The following TADA2A variants were observed in gnomAD, a reference collection of about 807,000 sequenced individuals.
TADA2A encodes the protein transcriptional adapter 2-alpha.
Under a neutral mutation model 67.4 loss-of-function variants are expected in TADA2A, and 38 were observed. The ratio of observed to expected loss-of-function variants is 0.56; its 90% CI spans 0.44 to 0.74. The LOEUF (loss-of-function observed/expected upper bound fraction) is 0.74. Among genes scored for constraint, TADA2A ranks in the 30% least tolerant of loss-of-function variants. TADA2A has a pLI of 0.00. For synonymous variants in TADA2A, 192 were observed against 181.6 expected (o/e 1.06, Z -0.46); for missense variants, 454 against 547.0 (o/e 0.83, Z 1.70).
chr17:37,457,491 C>CTTTTT (rs71135729), intron 8 of TADA2A, among the ~76,000 whole-genome samples: 10 of 72,398 alleles, frequency 1.4e-4, no homozygotes, highest in Non-Finnish European at 2.2e-4. Context: ...AACATTAATT[C>CTTTTT]TTTTTTTTTT....
At chr17:37,420,179 G>T (rs2052188799) in intron 2 of TADA2A, among the ~76,000 whole-genome samples, 1 of 146,272 alleles carries the variant, frequency 6.8e-6, no homozygotes, top group African/African-American at 2.5e-5. Context: ...GCTCAGCGCA[G>T]TGGCTCACTC....
chr17:37,464,206 C>T (rs937958989), intron 10 of TADA2A, among the ~76,000 whole-genome samples: 7 of 152,134 alleles, frequency 4.6e-5, no homozygotes, highest in African/African-American at 1.7e-4. Context: ...TCTGGTGTCT[C>T]TGCATGATAT....
At chr17:37,441,581 A>G (rs1325267059) in intron 6 of TADA2A, among the ~76,000 whole-genome samples, 1 of 152,112 alleles carries the variant, frequency 6.6e-6, no homozygotes. Flanking sequence ...GTAATGAGAT[A>G]TGAATGTTTT....
chr17:37,450,143 A>G (rs575731533), intron 8 of TADA2A, among the ~76,000 whole-genome samples: 1 of 152,200 alleles, frequency 6.6e-6, no homozygotes, highest in Non-Finnish European at 1.5e-5. Context: ...GCTGCATTCA[A>G]AGCCGTCCTG....
chr17:37,459,580 A>G lies in TADA2A; in HGVS notation c.668+993A>G, dbSNP rs1049827904. On this transcript the variant is annotated intron_variant, in intron 9 of 15. Coordinates refer to ENST00000615182, the MANE Select transcript of TADA2A (RefSeq NM_001166105.3). ...TTACAGGCGTGAGCCACCGTGTTCA[A>G]CCTTTTTTTTTTTTTGTTAAATAAG... Among the ~76,000 whole-genome samples the G allele has an allele frequency of 3.6e-5, 5 of 139,648 alleles. No individual in the cohort carries two copies. The South Asian group carries it at 1.2e-3, about 33-fold the overall frequency. 91.6% of individuals were successfully genotyped at this position (139,648 alleles called of 152,430 possible).
rs76268579 is a variant in TADA2A at position 37,438,598 on chromosome 17, C to T, written c.284+769C>T. ...TGTTCATCAGAATAAACTCTGCTGCCTGCCTCCCTTATGTCCAGGGACCTG... is the reference window on the plus strand; with the variant it reads ...TGTTCATCAGAATAAACTCTGCTGCTTGCCTCCCTTATGTCCAGGGACCTG... On this transcript the variant is annotated intron_variant, in intron 5 of 15. Coordinates refer to ENST00000615182, the MANE Select transcript of TADA2A (RefSeq NM_001166105.3). Among the ~76,000 whole-genome samples the T allele has an allele frequency of 1.1e-3, 162 of 152,288 alleles. No individual in the cohort carries two copies. In the East Asian group the frequency reaches 0.023, roughly 22 times the overall value.
At chr17:37,415,926 T>G (rs1044983314) in intron 2 of TADA2A, among the ~76,000 whole-genome samples, 3 of 143,958 alleles carry the variant, frequency 2.1e-5, no homozygotes, top group Admixed American at 1.5e-4. Flanking sequence ...CTAATTATAT[T>G]GTCAGGCATT....
chr17:37,468,223 A>G (rs2053709406), intron 12 of TADA2A, among the ~76,000 whole-genome samples: 1 of 152,192 alleles, frequency 6.6e-6, no homozygotes, highest in African/African-American at 2.4e-5. Context: ...GGTAGTGACA[A>G]TAATTATATT....
intron 2 of TADA2A, among the ~76,000 whole-genome samples, chr17:37,418,487 AT>A (rs1290444670): frequency 1.3e-5 from 2 of 152,140 alleles, no homozygotes; most frequent in African/African-American, 4.8e-5. Flanking sequence ...ATGGAATGTT[AT>A]TTATCCATTA....
At chr17:37,428,872 C>A (rs1431775485) in intron 4 of TADA2A, among the ~76,000 whole-genome samples, 1 of 151,910 alleles carries the variant, frequency 6.6e-6, no homozygotes, top group Non-Finnish European at 1.5e-5. Flanking sequence ...TGGTGAAACC[C>A]CATCTCTACT....
chr17:37,439,251 G>T (rs780866620), intron 5 of TADA2A, among the ~76,000 whole-genome samples: 1 of 151,914 alleles, frequency 6.6e-6, no homozygotes, highest in African/African-American at 2.4e-5. Flanking sequence ...ACAGGTGTGC[G>T]CCACCATACT....
chr17:37,468,880 A>G (rs1403784898), intron 12 of TADA2A, among the ~76,000 whole-genome samples: 1 of 151,150 alleles, frequency 6.6e-6, no homozygotes, highest in African/African-American at 2.4e-5. Context: ...GTCACCTACT[A>G]TCTATAAGAA....
intron 1 of TADA2A, among the ~76,000 whole-genome samples, chr17:37,409,654 C>A (rs1469571331): frequency 6.6e-6 from 1 of 151,400 alleles, no homozygotes; most frequent in African/African-American, 2.4e-5. Flanking sequence ...GTAATCCCAG[C>A]TAATTGGGAG....
rs984441105 is a variant in TADA2A, at chr17:37,437,165, A to C, written c.193-573A>C. Among the ~76,000 whole-genome samples, 12 of 109,368 alleles carry C rather than the reference A, an allele frequency of 1.1e-4. No individual in the cohort carries two copies. In the East Asian group the frequency reaches 6.5e-3, roughly 60 times the overall value. The allele number at this position is 109,368 out of a possible 152,430, so 71.7% of individuals were successfully genotyped here. A position where few individuals can be genotyped will look rare whatever the true frequency, so the allele number is the denominator to read the frequency against. Reference sequence around the variant, plus strand: ...CAGTGGCGCGATCTCAGCTCACTGCAAGCTCCGCCTCCGCCTCCTGGGTTC... The same window carrying C: ...CAGTGGCGCGATCTCAGCTCACTGCCAGCTCCGCCTCCGCCTCCTGGGTTC... On this transcript the variant is annotated intron_variant, in intron 4 of 15. Coordinates refer to ENST00000615182, the MANE Select transcript of TADA2A (RefSeq NM_001166105.3).
intron 8 of TADA2A, among the ~76,000 whole-genome samples, chr17:37,455,356 GTTTGTTTT>G (rs570785910): frequency 0.017 from 2,252 of 135,216 alleles, 31 homozygotes; most frequent in Non-Finnish European, 0.025. Flanking sequence ...TGCTTCTGAA[GTTTGTTTT>G]TTTGTTTGTT....
intron 15 of TADA2A, among the ~76,000 whole-genome samples, chr17:37,475,643 T>C (rs931863372): frequency 2.0e-5 from 3 of 152,088 alleles, no homozygotes; most frequent in Admixed American, 6.5e-5. Flanking sequence ...TTTTTGTATT[T>C]TTAGTAGAGA....
chr17:37,426,712 G>T, intron 3 of TADA2A: 2 of 352,050 alleles, frequency 5.7e-6, no homozygotes, highest in South Asian at 9.7e-5. Context: ...TGGTGTGGTG[G>T]CCCACACCTG....
At chr17:37,437,392 A>G (rs1048282286) in intron 4 of TADA2A, among the ~76,000 whole-genome samples, 3 of 126,130 alleles carry the variant, frequency 2.4e-5, no homozygotes, top group East Asian at 2.4e-4. Flanking sequence ...TGCCCGGCCT[A>G]TTTTTGATTT....
In TADA2A at chr17:37,465,527, T is replaced by C. The variant is rs753176409; in HGVS notation, c.809T>C (p.Ile270Thr). Residue 270 changes from isoleucine (I) to threonine (T), a missense_variant, in exon 11 of 16, where the codon ATT becomes ACT. Ile to Thr is a moderately conservative substitution (Grantham distance 89). This residue lies in a region of TADA2A where 403 missense variants were observed against 455.5 expected (regional missense o/e 0.88). Transcript: ENST00000615182. ...IVGPVEHDKF[I>T]ESHALEFELR... ...GGGCCAGTGGAACATGACAAATTCA[T>C]TGAAAGCCATGCATGTAGGTGGTTT... The C allele has an allele frequency of 3.7e-6, 6 of 1,614,162 alleles. No homozygotes were observed. In the South Asian group the frequency reaches 4.4e-5, roughly 12 times the overall value.
Sources: gnomAD v4.1 joint callset for allele counts (sites outside exome capture counted in the v4.1 genomes callset) on GRCh38, gnomAD v4.1.1 for gene constraint, gnomAD v4.1.1 regional missense constraint, MANE v1.5 for transcripts, NCBI Gene and HGNC (gene_info 2026-07-23, HGNC 2026-07-21) for gene names.